The following CHD4 variants were observed in gnomAD, a reference collection of about 807,000 sequenced individuals.
CHD4 encodes ATP-dependent chromatin remodeler CHD4.
In CHD4, 35 loss-of-function variants were observed where a neutral mutation model predicts 235.5. That is an observed-to-expected ratio of 0.15 (90% CI 0.11 to 0.20). The LOEUF (loss-of-function observed/expected upper bound fraction) is 0.20. CHD4 is among the 10% of genes least tolerant of loss of function. CHD4 has a pLI of 1.00. For synonymous variants in CHD4, 900 were observed against 850.2 expected, an observed-to-expected ratio of 1.06 and a Z score of -1.02; for missense variants, 1,329 against 2,432.3, an observed-to-expected ratio of 0.55 and a Z score of 9.54.
intron 2 of CHD4, among the ~76,000 whole-genome samples, chr12:6,603,729 G>A (rs911382652): frequency 2.6e-5 from 4 of 152,134 alleles, no homozygotes; most frequent in African/African-American, 4.8e-5. Flanking sequence ...ACTAAGAGAA[G>A]AACTCGATCA....
chr12:6,582,427 T>C (rs980211023), intron 29 of CHD4, 146 bp from the exon 30 acceptor site: 12 of 1,314,178 alleles, frequency 9.1e-6, no homozygotes, highest in Admixed American at 2.3e-5. Context: ...GGCTGATCTC[T>C]AGACCCCACA....
chr12:6,595,786 C>T (rs1282420757), intron 13 of CHD4, among the ~76,000 whole-genome samples: 2 of 116,546 alleles, frequency 1.7e-5, no homozygotes, highest in Non-Finnish European at 3.3e-5. Context: ...AAGACTTCGT[C>T]TCAAAAAAAA....
chr12:6,587,663 T>C (rs1262059269), intron 24 of CHD4, 49 bp downstream of exon 24: 3 of 1,608,190 alleles, frequency 1.9e-6, no homozygotes, highest in Non-Finnish European at 2.6e-6. Flanking sequence ...TCCCTAACCT[T>C]TAGAGAGGCC....
chr12:6,604,072 C>G (rs115459539), intron 2 of CHD4, among the ~76,000 whole-genome samples: 15 of 152,036 alleles, frequency 9.9e-5, no homozygotes, highest in Admixed American at 2.6e-4. Flanking sequence ...GAGGTCAGTT[C>G]GAAACCAGCT....
chr12:6,600,448 AC>A (rs1161030698), intron 8 of CHD4, 53 bp from the exon 9 acceptor site: 8 of 690,100 alleles, frequency 1.2e-5, no homozygotes, highest in South Asian at 1.6e-5. Flanking sequence ...ACCTCCCCCC[AC>A]CCCCCGACCC....
chr12:6,589,046 G>A lies in CHD4; in HGVS notation c.3341-624C>T, dbSNP rs187338768. Among the ~76,000 whole-genome samples, 588 of 152,094 alleles carry A rather than the reference G, an allele frequency of 3.9e-3. 4 individuals are homozygous for A. The highest frequency in any genetic ancestry group is 0.017 in the Middle Eastern group (5 of 292). On this transcript the variant is annotated intron_variant, in intron 22 of 39. Transcript: ENST00000544040. ...GCAGATCACCTGTGGTCAGGAGTTCGAGACTAAGCTGGCCAACGTGGTGAA... is the reference window on the plus strand; with the variant it reads ...GCAGATCACCTGTGGTCAGGAGTTCAAGACTAAGCTGGCCAACGTGGTGAA...
At chr12:6,592,961 CACAT>C (rs1161953483) in intron 17 of CHD4, 126 bp downstream of exon 17, 1 of 1,510,880 alleles carries the variant, frequency 6.6e-7, no homozygotes, top group Non-Finnish European at 8.9e-7. Context: ...CAAGGGCTGT[CACAT>C]ACAAGGAAGG....
intron 25 of CHD4, among the ~76,000 whole-genome samples, chr12:6,586,597 C>T (rs910503075): frequency 6.6e-6 from 1 of 152,046 alleles, no homozygotes; most frequent in African/African-American, 2.4e-5. Flanking sequence ...TAGCACACAT[C>T]TACTAGGGTC....
chr12:6,582,524 T>A lies in CHD4; in HGVS notation c.4370+91A>T. 3.3e-6 allele frequency: 5 copies of A among 1,509,514 alleles called. No individual in the cohort carries two copies. The South Asian group carries it at 6.7e-5, about 20-fold the overall frequency. 93.5% of individuals were successfully genotyped at this position (1,509,514 alleles called of 1,614,324 possible). A position where few individuals can be genotyped will look rare whatever the true frequency, so the allele number is the denominator to read the frequency against. Reference sequence around the variant, plus strand: ...ACTTCAACAGAGAAAATAGCCCACTTCCCTGCACGGCTAGGCCTAGAACCA... The same window carrying A: ...ACTTCAACAGAGAAAATAGCCCACTACCCTGCACGGCTAGGCCTAGAACCA... On this transcript the variant is annotated intron_variant, in intron 29 of 39. Coordinates refer to ENST00000544040, the MANE Select transcript of CHD4 (RefSeq NM_001273.5).
chr12:6,581,946 G>A (rs1479033300), intron 30 of CHD4, 132 bp from the exon 31 acceptor site: 20 of 1,213,716 alleles, frequency 1.6e-5, no homozygotes, highest in Non-Finnish European at 2.2e-5. Context: ...GGGAATACAG[G>A]TGCCCGCCAC....
At chr12:6,583,655 C>T (rs1948231657) in intron 25 of CHD4, 1 of 377,294 alleles carries the variant, frequency 2.7e-6, no homozygotes, top group South Asian at 8.8e-5. Flanking sequence ...TTTCTTCTAA[C>T]CCCTTGCACT....
In CHD4 at chr12:6,601,299, C is replaced by T. The variant is rs759846450; in HGVS notation, c.789G>A (p.Lys263=). The T allele has an allele frequency of 1.9e-6, 3 of 1,613,762 alleles. No homozygotes were observed. The Admixed American group carries it at 5.0e-5, about 27-fold the overall frequency. Residue 263 remains lysine, a synonymous_variant, in exon 6 of 40, where the codon AAG becomes AAA. Transcript: ENST00000544040. ...VEVPIRKAKT[K]EGKGPNARRK... ...TGAACCCCATTTCACCTTTGCCCTC[C>T]TTGGTCTTGGCCTTGCGGATAGGCA...
In CHD4 at chr12:6,592,329, T is replaced by C. The variant is rs1011523417; in HGVS notation, c.2948+64A>G. 20 of 1,517,322 alleles carry C rather than the reference T, an allele frequency of 1.3e-5. 1 individual carries two copies. Among genetic ancestry groups the C allele is most frequent in the East Asian group, 4.5e-5 (2 of 44,126 alleles). The allele number at this position is 1,517,322 out of a possible 1,614,324, so 94.0% of individuals were successfully genotyped here. A position where few individuals can be genotyped will look rare whatever the true frequency, so the allele number is the denominator to read the frequency against. The stretch of plus-strand genomic sequence containing the variant: ...GCCTTGAAGCTGAGTGGGGGAGGAA[T>C]AGGAAACACTCTGCAGACTGGCAGA... On this transcript the variant is annotated intron_variant, in intron 19 of 39. Coordinates refer to ENST00000544040, the MANE Select transcript of CHD4 (RefSeq NM_001273.5).
chr12:6,579,091 G>C, intron 33 of CHD4, 174 bp from the exon 34 acceptor site: 1 of 573,350 alleles, frequency 1.7e-6, no homozygotes, highest in Non-Finnish European at 3.1e-6. Flanking sequence ...GCAGCAGGCA[G>C]ATCACTTGAG....
intron 38 of CHD4, 34 bp downstream of exon 38, chr12:6,573,040 C>A (rs200098896): frequency 6.3e-7 from 1 of 1,577,926 alleles, no homozygotes; most frequent in Non-Finnish European, 8.6e-7. Context: ...TCAGGGAGGC[C>A]GAATCGGCAG....
At chr12:6,605,926 C>A (rs1275294314) in intron 2 of CHD4, among the ~76,000 whole-genome samples, 1 of 152,192 alleles carries the variant, frequency 6.6e-6, no homozygotes, top group Non-Finnish European at 1.5e-5. Flanking sequence ...CAACGCCCCC[C>A]TCCACCACCA....
At chr12:6,588,227 C>T (rs1948333192) in intron 23 of CHD4, 71 bp downstream of exon 23, 1 of 1,554,316 alleles carries the variant, frequency 6.4e-7, no homozygotes, top group African/African-American at 1.4e-5. Context: ...ATGGTGGAGC[C>T]CTCATAGAGG....
rs763562083 is a variant in CHD4 at position 6,598,088 on chromosome 12, G to A, written c.1698C>T (p.His566=). ...SWVSELQLEL[H]CQVMFRNYQR... Reference sequence around the variant, plus strand: ...GATAGTTTCGGAACATCACCTGACAGTGCAGCTCCAGCTTTGAGCGGAAAG... The same window carrying A: ...GATAGTTTCGGAACATCACCTGACAATGCAGCTCCAGCTTTGAGCGGAAAG... The change falls in exon 12 of 40, where the codon CAC becomes CAT. Residue 566 remains histidine (H), a synonymous_variant. Coordinates refer to ENST00000544040, the MANE Select transcript of CHD4 (RefSeq NM_001273.5). The A allele has an allele frequency of 2.3e-5, 37 of 1,614,062 alleles. No individual in the cohort carries two copies. The East Asian group carries it at 7.8e-4, about 34-fold the overall frequency.
chr12:6,592,672 G>T, intron 18 of CHD4, 24 bp downstream of exon 18: 1 of 1,609,470 alleles, frequency 6.2e-7, no homozygotes, highest in South Asian at 1.1e-5. Context: ...ATTATGAGCC[G>T]ATTACAGATA....
Sources: gnomAD v4.1 joint callset for allele counts (sites outside exome capture counted in the v4.1 genomes callset) on GRCh38, gnomAD v4.1.1 for gene constraint, MANE v1.5 for transcripts, NCBI Gene and HGNC (gene_info 2026-07-23, HGNC 2026-07-21) for gene names.